Variants in CFAP91 observed in about 807,000 individuals in gnomAD.
The protein encoded by CFAP91 is cilia and flagella associated protein 91.
Under a neutral mutation model 95.9 loss-of-function variants are expected in CFAP91, and 85 were observed. The ratio of observed to expected loss-of-function variants is 0.89; its 90% CI spans 0.74 to 1.06. CFAP91 has a LOEUF of 1.06. Among genes scored for constraint, CFAP91 ranks in the 50% least tolerant of loss-of-function variants. CFAP91 has a pLI of 0.00. For synonymous variants in CFAP91, 335 were observed against 327.5 expected, an observed-to-expected ratio of 1.02 and a Z score of -0.25; for missense variants, 962 against 943.4, an observed-to-expected ratio of 1.02 and a Z score of -0.26.
chr3:119,714,014 T>C (rs892934977), intron 5 of CFAP91, among the ~76,000 whole-genome samples: 17 of 152,310 alleles, frequency 1.1e-4, no homozygotes, highest in Non-Finnish European at 2.1e-4. Flanking sequence ...CATGTTTGCA[T>C]ATATATCTTT....
At position 119,756,122 on chromosome 3, in the gene CFAP91, G is replaced by T. The variant is rs147042169; in HGVS notation, c.*1+5024G>T. Reference sequence around the variant, plus strand: ...TAAGCAGAATAAATAAAAAGAAAACGATACCTAGATACACCTTAGAATACT... The same window carrying T: ...TAAGCAGAATAAATAAAAAGAAAACTATACCTAGATACACCTTAGAATACT... On this transcript the variant is annotated intron_variant, in intron 17 of 17. Coordinates refer to ENST00000273390, the MANE Select transcript of CFAP91 (RefSeq NM_033364.4). Among the ~76,000 whole-genome samples, 783 of 152,068 alleles carry T rather than the reference G, an allele frequency of 5.1e-3. 4 individuals carry two copies. The highest frequency in any genetic ancestry group is 0.018 in the African/African-American group (730 of 41,516).
intron 10 of CFAP91, 50 bp downstream of exon 10, chr3:119,733,556 A>T: frequency 6.3e-7 from 1 of 1,584,780 alleles, no homozygotes; most frequent in South Asian, 1.1e-5. Flanking sequence ...ATTTTTGCAG[A>T]TAAATGCTAC....
rs1236813253 is a variant in CFAP91 at position 119,703,228 on chromosome 3, G to T, written c.124+6G>T. 1.9e-6 allele frequency: 3 copies of T among 1,611,006 alleles called. No individual in the cohort carries two copies. The highest frequency in any genetic ancestry group is 2.7e-5 in the African/African-American group (2 of 75,022). ...AGCGTATGATTTTCTGTACGGTAAG[G>T]ACCGCCGCAGACCTTCCTCCGCGTC... is the stretch of plus-strand genomic sequence containing the variant. On this transcript the variant is annotated splice_donor_region_variant and intron_variant, in intron 1 of 17. Coordinates refer to ENST00000273390, the MANE Select transcript of CFAP91 (RefSeq NM_033364.4).
chr3:119,751,006 T>C lies in CFAP91; in HGVS notation c.2213T>C (p.Val738Ala), dbSNP rs542237715. 1.9e-6 allele frequency: 3 copies of C among 1,613,900 alleles called. No homozygotes were observed. The East Asian group carries it at 6.7e-5, about 36-fold the overall frequency. Residue 738 changes from valine (V) to alanine (A), a missense_variant, in exon 17 of 18, where the codon GTT (valine) becomes GCT (alanine). Val to Ala is a moderately conservative substitution (Grantham distance 64). Coordinates refer to ENST00000273390, the MANE Select transcript of CFAP91 (RefSeq NM_033364.4). The part of the protein sequence containing the change: ...QIIHSYTESM[V>A]QKKLTEGEQD... ...ATCCACAGTTACACGGAAAGCATGG[T>C]TCAAAAGAAATTAACTGAGGGAGAG...
intron 17 of CFAP91, among the ~76,000 whole-genome samples, chr3:119,758,647 A>G (rs929623232): frequency 3.9e-5 from 6 of 152,230 alleles, no homozygotes; most frequent in Admixed American, 1.3e-4. Flanking sequence ...ATAGAATTCT[A>G]TAAATGCCTT....
chr3:119,763,298 A>G (rs944455583), intron 17 of CFAP91, among the ~76,000 whole-genome samples: 12 of 152,098 alleles, frequency 7.9e-5, no homozygotes, highest in African/African-American at 2.2e-4. Context: ...TAGAATGGCT[A>G]TTATCAAAAA....
At chr3:119,754,920 T>C (rs1048778313) in intron 17 of CFAP91, among the ~76,000 whole-genome samples, 28 of 152,200 alleles carry the variant, frequency 1.8e-4, no homozygotes, top group African/African-American at 6.5e-4. Flanking sequence ...CAAAGAAGAC[T>C]ATACTCAAGA....
Position 119,715,691 on chromosome 3 carries a change from A to G in CFAP91, c.630A>G (p.Val210=). The change falls in exon 6 of 18, where the codon GTA becomes GTG. Residue 210 remains valine (V), a synonymous_variant. Transcript: ENST00000273390. ...VQTDPYSAEY[V]VCQDSIPELL... is the part of the protein sequence containing the mutation. ...CAGATCCATACTCTGCAGAATATGT[A>G]GTATGTCAGGACTCAATCCCTGAGC... 1.2e-6 allele frequency: 2 copies of G among 1,614,032 alleles called. No homozygotes were observed. The highest frequency in any genetic ancestry group is 1.7e-6 in the Non-Finnish European group (2 of 1,179,902).
chr3:119,707,561 C>T lies in CFAP91; in HGVS notation c.359C>T (p.Thr120Ile), dbSNP rs780227685. 159 of 1,560,034 alleles carry T rather than the reference C, an allele frequency of 1.0e-4. No homozygotes were observed. The highest frequency in any genetic ancestry group is 1.2e-4 in the Non-Finnish European group (139 of 1,143,852). ...KHREALRQLT[T>I]TDASFQMPKE... ...AGAGAAGCCCTCCGGCAGCTCACCA[C>T]GTAAGTGTCGGGTGGCTCCAGGGCC... Residue 120 changes from threonine (T) to isoleucine (I), a missense_variant and splice_region_variant, in exon 3 of 18, where the codon ACA (threonine) becomes ATA (isoleucine). Thr to Ile is a moderately conservative substitution (Grantham distance 89). Coordinates refer to ENST00000273390, the MANE Select transcript of CFAP91 (RefSeq NM_033364.4).
intron 10 of CFAP91, among the ~76,000 whole-genome samples, chr3:119,736,477 C>T (rs1237038548): frequency 3.3e-5 from 5 of 151,820 alleles, no homozygotes; most frequent in East Asian, 1.9e-4. Context: ...GGGGTTTCAC[C>T]GTGTTAGCCA....
chr3:119,753,194 A>G (rs1045186968), intron 17 of CFAP91, among the ~76,000 whole-genome samples: 2 of 152,132 alleles, frequency 1.3e-5, no homozygotes, highest in Admixed American at 6.5e-5. Flanking sequence ...GAATATGACA[A>G]TTCTAGAAAA....
chr3:119,710,033 AGT>A, intron 5 of CFAP91, 138 bp downstream of exon 5: 2 of 672,656 alleles, frequency 3.0e-6, no homozygotes, highest in East Asian at 5.3e-5. Flanking sequence ...GAAATCTTCT[AGT>A]GTGTCATGAG....
intron 17 of CFAP91, among the ~76,000 whole-genome samples, chr3:119,754,217 G>C (rs1436062883): frequency 6.6e-6 from 1 of 152,224 alleles, no homozygotes; most frequent in African/African-American, 2.4e-5. Context: ...AAATGGCAAA[G>C]ACCTTGACTG....
At position 119,753,799 on chromosome 3, in the gene CFAP91, T is replaced by C. The variant is rs920445633; in HGVS notation, c.*1+2701T>C. On this transcript the variant is annotated intron_variant, in intron 17 of 17. Coordinates refer to ENST00000273390, the MANE Select transcript of CFAP91 (RefSeq NM_033364.4). ...ACTGCACCATATTTATAGTCTTTTA[T>C]CCCTCATCCCCTTCCCACTCTTCCC... Among the ~76,000 whole-genome samples the C allele has an allele frequency of 1.1e-4, 16 of 152,216 alleles. No homozygotes were observed. The East Asian group carries it at 1.2e-3, about 11-fold the overall frequency.
chr3:119,740,006 G>GT lies in CFAP91; in HGVS notation c.1534-541dup, dbSNP rs564991812. Among the ~76,000 whole-genome samples, 46 of 152,294 alleles carry GT rather than the reference G, an allele frequency of 3.0e-4. No homozygotes were observed. The South Asian group carries it at 9.3e-3, about 31-fold the overall frequency. ...AAAAATGGACTGATATAAAGCCCCA[G>GT]TTAATTTTTTTTCCCAGATAGCTAT... On this transcript the variant is annotated intron_variant, in intron 12 of 17. Coordinates refer to ENST00000273390, the MANE Select transcript of CFAP91 (RefSeq NM_033364.4).
At chr3:119,753,133 T>C (rs1316914070) in intron 17 of CFAP91, among the ~76,000 whole-genome samples, 2 of 152,164 alleles carry the variant, frequency 1.3e-5, no homozygotes, top group Non-Finnish European at 2.9e-5. Flanking sequence ...TAGGAGAAGA[T>C]AGAAATTTAG....
rs2472661 is a variant in CFAP91, at chr3:119,748,292, A to C, written c.2143+390A>C. Among the ~76,000 whole-genome samples the C allele has an allele frequency of 5.3e-5, 8 of 152,304 alleles. 1 individual carries two copies. The East Asian group carries it at 9.6e-4, about 18-fold the overall frequency. On this transcript the variant is annotated intron_variant, in intron 16 of 17. Transcript: ENST00000273390. ...CGTGAACCGTGAATGTTAAAAAGGA[A>C]GGGTGCTAGAAAGGTCTAAGTCTAC...
At chr3:119,719,122 C>T (rs2053632969) in intron 6 of CFAP91, among the ~76,000 whole-genome samples, 1 of 152,178 alleles carries the variant, frequency 6.6e-6, no homozygotes, top group Non-Finnish European at 1.5e-5. Context: ...AGTACAACTA[C>T]ATGTGATTAC....
At chr3:119,707,672 C>T in intron 3 of CFAP91, 111 bp downstream of exon 3, 1 of 948,144 alleles carries the variant, frequency 1.1e-6, no homozygotes, top group Non-Finnish European at 1.4e-6. Flanking sequence ...ATACCTAGGC[C>T]AAATTTTCTT....
Sources: gnomAD v4.1 joint callset for allele counts (sites outside exome capture counted in the v4.1 genomes callset) on GRCh38, gnomAD v4.1.1 for gene constraint, MANE v1.5 for transcripts, NCBI Gene and HGNC (gene_info 2026-07-23, HGNC 2026-07-21) for gene names.